UBR2: variants seen among roughly 807,000 people sequenced by gnomAD.
UBR2 encodes E3 ubiquitin-protein ligase UBR2.
Under a neutral mutation model 247.9 loss-of-function variants are expected in UBR2, and 92 were observed. The ratio of observed to expected loss-of-function variants is 0.37; its 90% CI spans 0.31 to 0.44. The LOEUF is 0.44. Among genes scored for constraint, UBR2 ranks in the 20% least tolerant of loss-of-function variants. The probability of loss-of-function intolerance (pLI) is 1.00; values close to 1 mark genes in which losing one functional copy is unlikely to be tolerated. For missense variants in UBR2, 1,613 were observed against 2,112.6 expected (o/e 0.76, Z 4.64); for synonymous variants, 672 against 693.5 (o/e 0.97, Z 0.49).
chr6:42,648,239 T>C, intron 22 of UBR2, 69 bp downstream of exon 22: 2 of 1,304,712 alleles, frequency 1.5e-6, no homozygotes, highest in South Asian at 2.4e-5. Flanking sequence ...CTTAGAGTGT[T>C]TTCTTTGATG....
chr6:42,631,704 T>A (rs1206575629), intron 11 of UBR2, among the ~76,000 whole-genome samples: 1 of 151,316 alleles, frequency 6.6e-6, no homozygotes. Context: ...ATATGGGACA[T>A]TGTCCCATAT....
At position 42,632,558 on chromosome 6, in the gene UBR2, A is replaced by G; in HGVS notation, c.1288A>G (p.Met430Val). The change falls in exon 12 of 47, where the codon ATG becomes GTG. Residue 430 changes from methionine to valine, a missense_variant. Coordinates refer to ENST00000372901, the MANE Select transcript of UBR2 (RefSeq NM_001363705.2). ...TGATAAACTTTGTTTTTAGGCTCGA[A>G]TGCTCATCACAGAAGAAAACTTAAT... is the stretch of plus-strand genomic sequence containing the variant. Reference protein sequence around the residue: ...QIFTVPSLARMLITEENLMSI... With the variant: ...QIFTVPSLARVLITEENLMSI... 6.2e-7 allele frequency: 1 copy of G among 1,601,198 alleles called. No homozygotes were observed.
chr6:42,626,190 G>GCGTAGTTTCTTTTCTTT (rs1331032858), intron 11 of UBR2, among the ~76,000 whole-genome samples: 1 of 151,610 alleles, frequency 6.6e-6, no homozygotes, highest in African/African-American at 2.4e-5. Context: ...TGCCATTCTT[G>GCGTAGTTTCTTTTCTTT]CGTAGTTTCT....
Position 42,693,251 on chromosome 6 carries a change from C to T in UBR2, c.*2078C>T, listed in dbSNP as rs762040915. ...TTTACATGAAATTGCAACATACACA[C>T]CTTTTTATTTTCTGGTGTTAAGCTA... On this transcript the variant is annotated 3_prime_UTR_variant, in exon 47 of 47. Coordinates refer to ENST00000372901, the MANE Select transcript of UBR2 (RefSeq NM_001363705.2). 6.6e-5 allele frequency: 10 copies of T among 152,152 alleles called. No homozygotes were observed. Among genetic ancestry groups the T allele is most frequent in the African/African-American group, 2.4e-4 (10 of 41,442 alleles). The allele number at this position is 152,152 out of a possible 1,614,324, so 9.4% of individuals were successfully genotyped here.
intron 21 of UBR2, among the ~76,000 whole-genome samples, chr6:42,646,577 G>T (rs1796764856): frequency 6.6e-6 from 1 of 152,028 alleles, no homozygotes; most frequent in Non-Finnish European, 1.5e-5. Flanking sequence ...GGGGACATCT[G>T]TGAATGTTAC....
intron 25 of UBR2, among the ~76,000 whole-genome samples, chr6:42,653,865 C>T (rs752957083): frequency 6.6e-6 from 1 of 152,108 alleles, no homozygotes; most frequent in Non-Finnish European, 1.5e-5. Context: ...GATCCACTCA[C>T]CTTGGCCTCC....
intron 2 of UBR2, among the ~76,000 whole-genome samples, chr6:42,579,505 G>A (rs138526679): frequency 2.4e-3 from 373 of 152,274 alleles, no homozygotes; most frequent in African/African-American, 8.7e-3. Context: ...AATCAATGTT[G>A]TGTTAGTTTT....
intron 35 of UBR2, among the ~76,000 whole-genome samples, 162 bp from the exon 36 acceptor site, chr6:42,670,498 C>T (rs1022542655): frequency 1.3e-5 from 2 of 152,052 alleles, no homozygotes; most frequent in East Asian, 3.8e-4. Flanking sequence ...TTCGTTTTTA[C>T]TTTGTAACCA....
chr6:42,581,487 A>C lies in UBR2; in HGVS notation c.338+7494A>C, dbSNP rs564960445. Among the ~76,000 whole-genome samples the C allele has an allele frequency of 2.4e-3, 362 of 152,272 alleles. 3 individuals are homozygous for C. The highest frequency in any genetic ancestry group is 2.3e-3 in the Non-Finnish European group (157 of 68,020). On this transcript the variant is annotated intron_variant, in intron 2 of 46. Transcript: ENST00000372901. ...ATTACAGGCATGAGCCACTGTGCCC[A>C]GCCAACCTGGCTAATTTTTTGAAGA...
At chr6:42,649,281 T>C (rs939019581) in intron 22 of UBR2, among the ~76,000 whole-genome samples, 1 of 152,224 alleles carries the variant, frequency 6.6e-6, no homozygotes, top group Non-Finnish European at 1.5e-5. Flanking sequence ...AGTGCTGAGA[T>C]TACTGGCATG....
At position 42,662,952 on chromosome 6, in the gene UBR2, C is replaced by CA. The variant is rs113164393; in HGVS notation, c.3537-296dup. Among the ~76,000 whole-genome samples, 382 of 146,462 alleles carry CA rather than the reference C, an allele frequency of 2.6e-3. 2 individuals are homozygous for CA. The highest frequency in any genetic ancestry group is 8.6e-3 in the East Asian group (43 of 5,012). ...TCCATCTCAAAAACAACAACAACAA[C>CA]AAAAAAAAAACAAATAGCCACCAGC... On this transcript the variant is annotated intron_variant, in intron 31 of 46. Transcript: ENST00000372901.
At chr6:42,651,966 C>T (rs1797142952) in intron 23 of UBR2, 57 bp from the exon 24 acceptor site, 8 of 1,481,970 alleles carry the variant, frequency 5.4e-6, no homozygotes, top group Non-Finnish European at 7.3e-6. Context: ...AAAAATTAAC[C>T]AGGTGTGGTG....
At chr6:42,669,511 A>C (rs577770695) in intron 34 of UBR2, among the ~76,000 whole-genome samples, 2 of 151,760 alleles carry the variant, frequency 1.3e-5, no homozygotes, top group Non-Finnish European at 2.9e-5. Flanking sequence ...TTTGCTTTCT[A>C]CATTGTCTCT....
chr6:42,652,714 A>C, intron 25 of UBR2, 69 bp downstream of exon 25: 1 of 1,413,074 alleles, frequency 7.1e-7, no homozygotes, highest in South Asian at 1.4e-5. Flanking sequence ...TCTTGTCTGT[A>C]TCTATACACA....
rs780426733 is a variant in UBR2 at position 42,655,679 on chromosome 6, C to T, written c.2828C>T (p.Thr943Met). 3.3e-5 allele frequency: 52 copies of T among 1,557,152 alleles called. No individual in the cohort carries two copies. The Admixed American group carries it at 6.5e-4, about 19-fold the overall frequency. ...GAAAAACAACATTTAGAGAATGTCA[C>T]GGAAGAGCATGTAGTAACATTTACC... ...QEEKQHLENV[T>M]EEHVVTFTFT... The change falls in exon 26 of 47, where the codon ACG (threonine) becomes ATG (methionine). Residue 943 changes from threonine (T) to methionine (M), a missense_variant. Physicochemically the swap from Thr to Met is moderately conservative, Grantham distance 81 (BLOSUM62 -1). Transcript: ENST00000372901.
At chr6:42,607,780 A>G (rs1793810648) in intron 7 of UBR2, among the ~76,000 whole-genome samples, 1 of 150,402 alleles carries the variant, frequency 6.6e-6, no homozygotes. Context: ...TTCCCTAGCA[A>G]TAATTACTTT....
Position 42,631,062 on chromosome 6 carries a change from C to T in UBR2, c.1282-1490C>T, listed in dbSNP as rs141319189. On this transcript the variant is annotated intron_variant, in intron 11 of 46. Coordinates refer to ENST00000372901, the MANE Select transcript of UBR2 (RefSeq NM_001363705.2). Reference sequence around the variant, plus strand: ...CAAATAATCCGCCTGCCTCAGCCTCCCAAAGTGCTGGCGTTACAGACGTGA... The same window carrying T: ...CAAATAATCCGCCTGCCTCAGCCTCTCAAAGTGCTGGCGTTACAGACGTGA... Among the ~76,000 whole-genome samples, 215 of 152,308 alleles carry T rather than the reference C, an allele frequency of 1.4e-3. 1 individual carries two copies. The highest frequency in any genetic ancestry group is 5.0e-3 in the African/African-American group (207 of 41,558).
intron 15 of UBR2, 25 bp downstream of exon 15, chr6:42,637,219 A>C (rs1796151855): frequency 6.3e-7 from 1 of 1,591,342 alleles, no homozygotes; most frequent in Non-Finnish European, 8.6e-7. Flanking sequence ...CTAAAATAAA[A>C]CCCTAAAATT....
intron 11 of UBR2, chr6:42,620,481 G>GTTTTTTTGTTT (rs1794904950): frequency 3.0e-5 from 2 of 66,616 alleles, no homozygotes; most frequent in Non-Finnish European, 8.3e-5. Context: ...ATTAAGTGTT[G>GTTTTTTTGTTT]TTTTTTTTTT....
Sources: allele counts gnomAD v4.1 joint callset (sites outside exome capture counted in the v4.1 genomes callset), GRCh38; gene constraint gnomAD v4.1.1; transcripts MANE v1.5; gene names NCBI Gene and HGNC (gene_info 2026-07-23, HGNC 2026-07-21).